CMTM8: variants seen among roughly 807,000 people sequenced by gnomAD.
CMTM8 encodes the protein CKLF-like MARVEL transmembrane domain-containing protein 8.
Under a neutral mutation model 18.6 loss-of-function variants are expected in CMTM8, and 12 were observed. The observed-to-expected ratio is 0.65, with a 90% CI of 0.41 to 1.05. CMTM8 has a LOEUF of 1.05. CMTM8 is among the 50% of genes least tolerant of loss of function. The probability of loss-of-function intolerance (pLI) is 0.00; values close to 1 mark genes in which losing one functional copy is unlikely to be tolerated. For synonymous variants in CMTM8, 87 were observed against 90.6 expected (o/e 0.96, Z 0.23); for missense variants, 217 against 227.2 (o/e 0.95, Z 0.29).
intron 1 of CMTM8, among the ~76,000 whole-genome samples, chr3:32,257,469 A>G (rs1487161250): frequency 6.6e-6 from 1 of 152,100 alleles, no homozygotes; most frequent in African/African-American, 2.4e-5. Flanking sequence ...TTTTTCTTTC[A>G]TATTTCTCTT....
At chr3:32,350,193 G>A (rs779958624) in intron 1 of CMTM8, among the ~76,000 whole-genome samples, 2 of 151,988 alleles carry the variant, frequency 1.3e-5, no homozygotes, top group Non-Finnish European at 1.5e-5. Flanking sequence ...TATTTTAGCC[G>A]CTCCTCTCCC....
In CMTM8 at chr3:32,304,380, G is replaced by C. The variant is rs181734542; in HGVS notation, c.148-52993G>C. On this transcript the variant is annotated intron_variant, in intron 1 of 3. Coordinates refer to ENST00000307526, the MANE Select transcript of CMTM8 (RefSeq NM_178868.5). ...ACATCCACTGATGTTCTTCTCAGCT[G>C]TACTTTGATTTGTTGTTGGAGATGG... is the stretch of plus-strand genomic sequence containing the variant. 1.5e-3 allele frequency among the ~76,000 whole-genome samples: 233 copies of C among 152,290 alleles called. 1 individual carries two copies. Among genetic ancestry groups the C allele is most frequent in the African/African-American group, 5.6e-3 (231 of 41,558 alleles).
At chr3:32,271,160 C>G (rs988985596) in intron 1 of CMTM8, among the ~76,000 whole-genome samples, 1 of 152,166 alleles carries the variant, frequency 6.6e-6, no homozygotes, top group Non-Finnish European at 1.5e-5. Flanking sequence ...GAGTTTCGCT[C>G]TTGTTGCCCA....
intron 3 of CMTM8, among the ~76,000 whole-genome samples, chr3:32,368,209 A>G (rs567390884): frequency 1.8e-4 from 28 of 152,338 alleles, no homozygotes; most frequent in Non-Finnish European, 3.4e-4. Flanking sequence ...TGAATGCCGA[A>G]TGACTGGAAC....
intron 1 of CMTM8, among the ~76,000 whole-genome samples, chr3:32,268,654 A>G (rs1702388004): frequency 6.6e-6 from 1 of 152,058 alleles, no homozygotes; most frequent in Admixed American, 6.6e-5. Context: ...CATTTAGTCT[A>G]TGTAAATGAT....
chr3:32,360,711 T>G (rs1696907311), intron 2 of CMTM8, among the ~76,000 whole-genome samples: 1 of 152,230 alleles, frequency 6.6e-6, no homozygotes, highest in Admixed American at 6.5e-5. Context: ...GCTGCCGAGT[T>G]GGACTGCCTA....
rs1305975304 is a variant in CMTM8, at chr3:32,358,339, A to T, written c.321+793A>T. Among the ~76,000 whole-genome samples the T allele has an allele frequency of 6.6e-6, 1 of 152,220 alleles. No individual in the cohort carries two copies. On this transcript the variant is annotated intron_variant, in intron 2 of 3. Transcript: ENST00000307526. The surrounding 1 kb of genome is among the most constrained non-coding windows in gnomAD (Gnocchi z 4.1). Reference sequence around the variant, plus strand: ...ATGGAAAGTGGGTTCCCCTTGCCTTAAGAGCATTGACAATCTGGTTGGCAA... The same window carrying T: ...ATGGAAAGTGGGTTCCCCTTGCCTTTAGAGCATTGACAATCTGGTTGGCAA...
intron 1 of CMTM8, among the ~76,000 whole-genome samples, chr3:32,314,878 C>T (rs1695889587): frequency 6.6e-6 from 1 of 151,608 alleles, no homozygotes; most frequent in Non-Finnish European, 1.5e-5. Context: ...CCAACTGAGG[C>T]CTTGTTGATG....
chr3:32,297,455 C>T (rs1259486654), intron 1 of CMTM8, among the ~76,000 whole-genome samples: 1 of 152,240 alleles, frequency 6.6e-6, no homozygotes, highest in African/African-American at 2.4e-5. Flanking sequence ...GTTGGGATTA[C>T]AGGCGTGAGC....
rs529720116 is a variant in CMTM8 at position 32,255,259 on chromosome 3, T to C, written c.147+16140T>C. ...GGTTTTGTGTGGATACATATTTTTA[T>C]TTCTCTTGAATATATTTCATGCTGT... On this transcript the variant is annotated intron_variant, in intron 1 of 3. Transcript: ENST00000307526. Among the ~76,000 whole-genome samples, 5 of 152,366 alleles carry C rather than the reference T, an allele frequency of 3.3e-5. No individual in the cohort carries two copies. In the South Asian group the frequency reaches 1.0e-3, roughly 32 times the overall value.
chr3:32,306,119 G>T lies in CMTM8; in HGVS notation c.148-51254G>T, dbSNP rs1008910349. ...TCTGTGGGGTTGGTTGAGTGGTTTG[G>T]CTGATTTGTGTCTGGGTCTGCTGAT... On this transcript the variant is annotated intron_variant, in intron 1 of 3. Coordinates refer to ENST00000307526, the MANE Select transcript of CMTM8 (RefSeq NM_178868.5). 3.3e-5 allele frequency among the ~76,000 whole-genome samples: 5 copies of T among 152,136 alleles called. No homozygotes were observed. In the East Asian group the frequency reaches 7.7e-4, roughly 23 times the overall value.
intron 1 of CMTM8, among the ~76,000 whole-genome samples, chr3:32,296,927 A>AT (rs1468758244): frequency 6.6e-6 from 1 of 151,838 alleles, no homozygotes; most frequent in Non-Finnish European, 1.5e-5. Flanking sequence ...TGACCTCCAC[A>AT]TTTTCGTTAT....
At chr3:32,242,662 T>C (rs1265859124) in intron 1 of CMTM8, among the ~76,000 whole-genome samples, 2 of 152,124 alleles carry the variant, frequency 1.3e-5, no homozygotes, top group Non-Finnish European at 2.9e-5. Context: ...TATCTCCCTC[T>C]ACCCCCTGAC....
intron 1 of CMTM8, among the ~76,000 whole-genome samples, chr3:32,266,813 GACAA>G (rs1702353436): frequency 1.3e-5 from 2 of 151,958 alleles, no homozygotes; most frequent in East Asian, 3.9e-4. Context: ...ACCAATAACA[GACAA>G]ACAGCCAAAT....
At chr3:32,305,520 G>A (rs1484193797) in intron 1 of CMTM8, among the ~76,000 whole-genome samples, 1 of 152,180 alleles carries the variant, frequency 6.6e-6, no homozygotes. Context: ...CCTGGACCCT[G>A]CCTTCAAAGC....
At chr3:32,262,640 C>T (rs56205393) in intron 1 of CMTM8, among the ~76,000 whole-genome samples, 11,047 of 152,284 alleles carry the variant, frequency 0.073, 480 homozygotes, top group African/African-American at 0.12. Flanking sequence ...ACTTCCTGAA[C>T]TTCCATCTGT....
intron 1 of CMTM8, among the ~76,000 whole-genome samples, chr3:32,319,057 C>CATACATACATATAT (rs1206855049): frequency 6.5e-5 from 3 of 45,884 alleles, no homozygotes; most frequent in African/African-American, 2.9e-4. Context: ...TGTGTATATA[C>CATACATACATATAT]ATATATATAT....
chr3:32,343,468 C>G (rs962122611), intron 1 of CMTM8, among the ~76,000 whole-genome samples: 1 of 152,198 alleles, frequency 6.6e-6, no homozygotes, highest in African/African-American at 2.4e-5. Context: ...AGAGATTTGG[C>G]ATTCCTCCCA....
At chr3:32,350,832 T>C (rs1455530029) in intron 1 of CMTM8, among the ~76,000 whole-genome samples, 1 of 152,102 alleles carries the variant, frequency 6.6e-6, no homozygotes. Context: ...CTAATTTTTG[T>C]ATTTTTAGTA....
Sources: gnomAD v4.1 joint callset for allele counts (sites outside exome capture counted in the v4.1 genomes callset) on GRCh38, gnomAD v4.1.1 for gene constraint, Gnocchi (gnomAD v3.1) non-coding constraint, MANE v1.5 for transcripts, NCBI Gene and HGNC (gene_info 2026-07-23, HGNC 2026-07-21) for gene names.